The following BTBD9 variants were observed in gnomAD, a reference collection of about 807,000 sequenced individuals.
BTBD9 encodes BTB/POZ domain-containing protein 9.
Under a neutral mutation model 64.3 loss-of-function variants are expected in BTBD9, and 49 were observed. The observed-to-expected ratio is 0.76, with a 90% CI of 0.61 to 0.97. The LOEUF is 0.97. BTBD9 is among the 50% of genes least tolerant of loss of function. The probability of loss-of-function intolerance (pLI) is 0.00; values close to 1 mark genes in which losing one functional copy is unlikely to be tolerated. For synonymous variants in BTBD9, 260 were observed against 274.7 expected, an observed-to-expected ratio of 0.95 and a Z score of 0.53; for missense variants, 598 against 762.1, an observed-to-expected ratio of 0.78 and a Z score of 2.53.
At chr6:38,622,225 A>G (rs1405587325) in intron 1 of BTBD9, among the ~76,000 whole-genome samples, 1 of 152,236 alleles carries the variant, frequency 6.6e-6, no homozygotes, top group East Asian at 1.9e-4. Context: ...AACAAAGAAT[A>G]GGGCACTATC....
intron 6 of BTBD9, among the ~76,000 whole-genome samples, chr6:38,520,481 C>A (rs1461428946): frequency 1.3e-5 from 2 of 151,940 alleles, no homozygotes; most frequent in Non-Finnish European, 2.9e-5. Context: ...AACAAACAAA[C>A]AAAAAATACA....
intron 6 of BTBD9, among the ~76,000 whole-genome samples, chr6:38,429,060 C>T (rs1768317453): frequency 6.6e-6 from 1 of 151,766 alleles, no homozygotes. Flanking sequence ...GTTCTTTCCA[C>T]TTGCCTATTA....
chr6:38,302,983 T>C (rs1160430293), intron 7 of BTBD9, among the ~76,000 whole-genome samples: 3 of 152,100 alleles, frequency 2.0e-5, no homozygotes, highest in Non-Finnish European at 4.4e-5. Flanking sequence ...CCATTTTCCA[T>C]TGGATTATTT....
At chr6:38,485,456 T>C (rs535054713) in intron 6 of BTBD9, among the ~76,000 whole-genome samples, 3 of 152,342 alleles carry the variant, frequency 2.0e-5, no homozygotes, top group Admixed American at 2.0e-4. Context: ...AAAGTTAACA[T>C]GATTCCTTGA....
chr6:38,393,948 AC>A (rs1766548683), intron 6 of BTBD9, among the ~76,000 whole-genome samples: 1 of 152,228 alleles, frequency 6.6e-6, no homozygotes, highest in African/African-American at 2.4e-5. Flanking sequence ...TCCTGGGGAT[AC>A]AAAAACGAAA....
intron 6 of BTBD9, among the ~76,000 whole-genome samples, chr6:38,480,522 G>A (rs776325348): frequency 6.6e-6 from 1 of 152,042 alleles, no homozygotes; most frequent in African/African-American, 2.4e-5. Context: ...ATTAAGCATG[G>A]GCCAGAACAT....
chr6:38,457,060 C>A (rs576661680), intron 6 of BTBD9, among the ~76,000 whole-genome samples: 1 of 151,906 alleles, frequency 6.6e-6, no homozygotes, highest in Non-Finnish European at 1.5e-5. Flanking sequence ...AAAGCAAAAG[C>A]GCTAGGGTGG....
rs73734348 is a variant in BTBD9 at position 38,193,882 on chromosome 6, C to T, written c.1563-1285G>A. 9.3e-4 allele frequency: 914 copies of T among 985,396 alleles called. 4 individuals are homozygous for T. The African/African-American group carries it at 0.012, about 13-fold the overall frequency. The allele number at this position is 985,396 out of a possible 1,614,324, so 61.0% of individuals were successfully genotyped here. A position where few individuals can be genotyped will look rare whatever the true frequency, so the allele number is the denominator to read the frequency against. On this transcript the variant is annotated intron_variant, in intron 9 of 10. Coordinates refer to ENST00000481247, the MANE Select transcript of BTBD9 (RefSeq NM_001099272.2). ...TATGAACCTCCCACTGAGATTGATTCACTGCTGCCTGGACACCAGTCCCCT... is the reference window on the plus strand; with the variant it reads ...TATGAACCTCCCACTGAGATTGATTTACTGCTGCCTGGACACCAGTCCCCT...
At chr6:38,528,963 T>C (rs755618553) in intron 6 of BTBD9, among the ~76,000 whole-genome samples, 2 of 152,176 alleles carry the variant, frequency 1.3e-5, no homozygotes, top group Non-Finnish European at 2.9e-5. Flanking sequence ...CACAGTGGGA[T>C]AGAGCACCAA....
At position 38,218,784 on chromosome 6, in the gene BTBD9, AT is replaced by A. The variant is rs112664668; in HGVS notation, c.1563-26188del. On this transcript the variant is annotated intron_variant, in intron 9 of 10. Coordinates refer to ENST00000481247, the MANE Select transcript of BTBD9 (RefSeq NM_001099272.2). ...AGGAAATGCTGGTCAGCTTGACTTA[AT>A]TTTTTTTATTCTCAAATCCCAACTG... Among the ~76,000 whole-genome samples the A allele has an allele frequency of 9.7e-3, 1,470 of 152,212 alleles. 22 individuals carry two copies. Among genetic ancestry groups the A allele is most frequent in the African/African-American group, 0.032 (1,349 of 41,518 alleles).
intron 6 of BTBD9, among the ~76,000 whole-genome samples, chr6:38,427,693 T>C (rs1477306452): frequency 6.6e-6 from 1 of 151,968 alleles, no homozygotes; most frequent in African/African-American, 2.4e-5. Flanking sequence ...AAGATAATTA[T>C]AGGTAATGGA....
intron 10 of BTBD9, among the ~76,000 whole-genome samples, chr6:38,185,144 C>G (rs1367113233): frequency 6.7e-6 from 1 of 149,166 alleles, no homozygotes; most frequent in Non-Finnish European, 1.5e-5. Flanking sequence ...ATCACTCGAT[C>G]CGTTTTACAG....
chr6:38,488,452 C>T (rs1293138688), intron 6 of BTBD9, among the ~76,000 whole-genome samples: 3 of 152,168 alleles, frequency 2.0e-5, no homozygotes, highest in South Asian at 2.1e-4. Context: ...TATGGACCAA[C>T]GTTCTCTAGC....
chr6:38,326,693 GA>G (rs1329880332), intron 7 of BTBD9, among the ~76,000 whole-genome samples: 1 of 151,152 alleles, frequency 6.6e-6, no homozygotes, highest in Non-Finnish European at 1.5e-5. Context: ...AGGTTTTACT[GA>G]GATGTGCTTC....
chr6:38,506,567 T>C (rs192522703), intron 6 of BTBD9, among the ~76,000 whole-genome samples: 60 of 152,294 alleles, frequency 3.9e-4, no homozygotes, highest in Admixed American at 6.5e-4. Flanking sequence ...ACTAAACACA[T>C]CCTGCTTTCA....
intron 6 of BTBD9, among the ~76,000 whole-genome samples, chr6:38,498,730 C>G (rs957627737): frequency 2.6e-5 from 4 of 152,298 alleles, no homozygotes; most frequent in Admixed American, 2.6e-4. Context: ...GACCACTCCT[C>G]CTGTAAGCGT....
At chr6:38,428,549 G>A (rs887253394) in intron 6 of BTBD9, among the ~76,000 whole-genome samples, 14 of 151,272 alleles carry the variant, frequency 9.3e-5, no homozygotes, top group African/African-American at 2.7e-4. Context: ...GAAGACACAG[G>A]GTCCATGACT....
At chr6:38,571,401 C>T (rs1002800199) in intron 6 of BTBD9, among the ~76,000 whole-genome samples, 1 of 152,060 alleles carries the variant, frequency 6.6e-6, no homozygotes, top group Non-Finnish European at 1.5e-5. Flanking sequence ...TGCTTATTTT[C>T]TCATTTATTT....
intron 6 of BTBD9, among the ~76,000 whole-genome samples, chr6:38,498,604 A>G (rs1405499014): frequency 1.3e-5 from 2 of 152,146 alleles, no homozygotes; most frequent in African/African-American, 4.8e-5. Context: ...GCCCAAATCC[A>G]ATAGCAACAA....
Sources: gnomAD v4.1 joint callset for allele counts (sites outside exome capture counted in the v4.1 genomes callset) on GRCh38, gnomAD v4.1.1 for gene constraint, MANE v1.5 for transcripts, NCBI Gene and HGNC (gene_info 2026-07-23, HGNC 2026-07-21) for gene names.